RERG: variants seen among roughly 807,000 people sequenced by gnomAD.
The protein encoded by RERG is ras-related and estrogen-regulated growth inhibitor.
Under a neutral mutation model 23.2 loss-of-function variants are expected in RERG, and 25 were observed. The ratio of observed to expected loss-of-function variants is 1.08; its 90% CI spans 0.79 to 1.50. The LOEUF is 1.50. Among genes scored for constraint, RERG ranks in the 40% most tolerant of loss-of-function variants. The probability of loss-of-function intolerance (pLI) is 0.00; values close to 1 mark genes in which losing one functional copy is unlikely to be tolerated. For missense variants in RERG, 253 were observed against 250.1 expected, an observed-to-expected ratio of 1.01 and a Z score of -0.08; for synonymous variants, 81 against 89.1, an observed-to-expected ratio of 0.91 and a Z score of 0.51.
rs1863533914 is a variant in RERG at position 15,108,217 on chromosome 12, G to C, written c.*893C>G. 1 of 152,182 alleles carries C rather than the reference G, an allele frequency of 6.6e-6. No homozygotes were observed. The highest frequency in any genetic ancestry group is 6.5e-5 in the Admixed American group (1 of 15,278). 9.4% of individuals were successfully genotyped at this position (152,182 alleles called of 1,614,324 possible). ...CTTACTGTACCTGGCTCAAAGTCTA[G>C]ACTTCCCAATGGAGGCATGGTTAAG... On this transcript the variant is annotated 3_prime_UTR_variant, in exon 5 of 5. Transcript: ENST00000256953.
chr12:15,197,254 A>T (rs746306792), intron 2 of RERG, among the ~76,000 whole-genome samples: 56 of 152,198 alleles, frequency 3.7e-4, no homozygotes, highest in Non-Finnish European at 7.2e-4. Context: ...AAACTATTAT[A>T]GTTAGCAGGC....
At chr12:15,149,029 C>T (rs555903921) in intron 2 of RERG, among the ~76,000 whole-genome samples, 1 of 151,632 alleles carries the variant, frequency 6.6e-6, no homozygotes, top group African/African-American at 2.4e-5. Flanking sequence ...CCACCACGCC[C>T]GGCTAATTTT....
At chr12:15,166,988 T>C (rs1189797841) in intron 2 of RERG, among the ~76,000 whole-genome samples, 1 of 152,184 alleles carries the variant, frequency 6.6e-6, no homozygotes, top group Admixed American at 6.5e-5. Context: ...TCATGTGCTT[T>C]CTCATGTTCT....
At chr12:15,166,048 C>T (rs1161438035) in intron 2 of RERG, among the ~76,000 whole-genome samples, 1 of 152,148 alleles carries the variant, frequency 6.6e-6, no homozygotes, top group Non-Finnish European at 1.5e-5. Flanking sequence ...AATTCAAAAC[C>T]CTCATTTCCA....
intron 2 of RERG, among the ~76,000 whole-genome samples, chr12:15,191,821 T>A (rs1226823932): frequency 6.6e-6 from 1 of 152,204 alleles, no homozygotes; most frequent in African/African-American, 2.4e-5. Flanking sequence ...GTTGCTTCTA[T>A]ACGTTCTCAT....
chr12:15,183,794 C>T (rs1047442082), intron 2 of RERG, among the ~76,000 whole-genome samples: 2 of 152,140 alleles, frequency 1.3e-5, no homozygotes, highest in Non-Finnish European at 2.9e-5. Flanking sequence ...AGCAAAGGGT[C>T]ATCCAGATTT....
chr12:15,191,527 T>C (rs1271241035), intron 2 of RERG, among the ~76,000 whole-genome samples: 1 of 152,122 alleles, frequency 6.6e-6, no homozygotes, highest in Non-Finnish European at 1.5e-5. Flanking sequence ...CCATCGTATT[T>C]AGGTTAAATC....
intron 2 of RERG, among the ~76,000 whole-genome samples, chr12:15,185,331 A>G (rs926779893): frequency 2.6e-5 from 4 of 152,132 alleles, no homozygotes; most frequent in African/African-American, 9.7e-5. Context: ...AAGCTCTCAC[A>G]TAATTGTAAT....
intron 2 of RERG, among the ~76,000 whole-genome samples, chr12:15,161,560 A>T (rs1314149259): frequency 6.6e-6 from 1 of 152,188 alleles, no homozygotes; most frequent in Non-Finnish European, 1.5e-5. Context: ...CACTCAATTA[A>T]TTCTCCTGGA....
At chr12:15,192,145 C>T (rs1193119228) in intron 2 of RERG, among the ~76,000 whole-genome samples, 1 of 152,182 alleles carries the variant, frequency 6.6e-6, no homozygotes, top group Non-Finnish European at 1.5e-5. Context: ...CTCCTTGGTG[C>T]TGGCCTCGCG....
intron 2 of RERG, among the ~76,000 whole-genome samples, chr12:15,189,781 T>A (rs187994415): frequency 1.3e-5 from 2 of 152,186 alleles, no homozygotes; most frequent in East Asian, 3.9e-4. Context: ...TAACCAAACA[T>A]GAGGACTAAG....
At chr12:15,195,846 C>A (rs1865137257) in intron 2 of RERG, among the ~76,000 whole-genome samples, 1 of 152,042 alleles carries the variant, frequency 6.6e-6, no homozygotes, top group Admixed American at 6.6e-5. Context: ...TTAATATCTC[C>A]AATTCATGAC....
chr12:15,179,037 C>A (rs1864889506), intron 2 of RERG, among the ~76,000 whole-genome samples: 1 of 151,990 alleles, frequency 6.6e-6, no homozygotes, highest in African/African-American at 2.4e-5. Flanking sequence ...TTAAAGATTT[C>A]AGGCATCAGA....
At chr12:15,131,306 T>A (rs896760562) in intron 2 of RERG, among the ~76,000 whole-genome samples, 1 of 152,000 alleles carries the variant, frequency 6.6e-6, no homozygotes, top group Non-Finnish European at 1.5e-5. Context: ...TGAAAAATAT[T>A]ATTTATGTTA....
intron 2 of RERG, among the ~76,000 whole-genome samples, chr12:15,182,246 C>T (rs560316597): frequency 5.3e-5 from 8 of 151,916 alleles, no homozygotes; most frequent in South Asian, 2.1e-4. Context: ...TTAGTAGAGA[C>T]GGGATTTCTC....
chr12:15,147,489 T>C (rs1864354853), intron 2 of RERG, among the ~76,000 whole-genome samples: 1 of 152,244 alleles, frequency 6.6e-6, no homozygotes, highest in African/African-American at 2.4e-5. Context: ...TACATAAGTA[T>C]ATTTATTTTT....
At position 15,215,452 on chromosome 12, in the gene RERG, G is replaced by A. The variant is rs149275699; in HGVS notation, c.61+1977C>T. On this transcript the variant is annotated intron_variant, in intron 2 of 4. Coordinates refer to ENST00000256953, the MANE Select transcript of RERG (RefSeq NM_032918.3). ...GTGTGATGTCATGGGAGCCTGGGAA[G>A]GAAGGAATTTCAGGAAAGAATAAGC... is the stretch of plus-strand genomic sequence containing the variant. Among the ~76,000 whole-genome samples the A allele has an allele frequency of 2.8e-3, 422 of 152,222 alleles. 3 individuals are homozygous for A. Among genetic ancestry groups the A allele is most frequent in the African/African-American group, 9.4e-3 (389 of 41,534 alleles).
chr12:15,167,196 C>T (rs1482597758), intron 2 of RERG, among the ~76,000 whole-genome samples: 6 of 152,132 alleles, frequency 3.9e-5, no homozygotes, highest in Non-Finnish European at 8.8e-5. Context: ...CCAGAATGTC[C>T]CAGACACTAG....
chr12:15,167,288 C>T (rs552647940), intron 2 of RERG, among the ~76,000 whole-genome samples: 1 of 152,226 alleles, frequency 6.6e-6, no homozygotes, highest in African/African-American at 2.4e-5. Flanking sequence ...CCTCTTTGTT[C>T]TGTAGTGAAT....
Sources: allele counts gnomAD v4.1 joint callset (sites outside exome capture counted in the v4.1 genomes callset), GRCh38; gene constraint gnomAD v4.1.1; transcripts MANE v1.5; gene names NCBI Gene and HGNC (gene_info 2026-07-23, HGNC 2026-07-21).